Variants in SRPK2 observed in about 807,000 individuals in gnomAD.
SRPK2 encodes the protein SFRS protein kinase 2.
SRPK2 carries 21 observed loss-of-function variants against 90.8 expected under a neutral mutation model. That is an observed-to-expected ratio of 0.23 (90% confidence interval 0.16 to 0.33). The LOEUF (loss-of-function observed/expected upper bound fraction) is 0.33, where lower values mean the gene tolerates loss of function less well. Ranked by LOEUF, SRPK2 falls within the 10% of genes least tolerant of loss-of-function variation. SRPK2 has a pLI of 1.00. For missense variants in SRPK2, 620 were observed against 869.0 expected (o/e 0.71, Z 3.60); for synonymous variants, 288 against 311.1 (o/e 0.93, Z 0.78).
chr7:105,159,464 A>AAAAAAAAAAAAC (rs1807168874), intron 7 of SRPK2, among the ~76,000 whole-genome samples: 14 of 141,668 alleles, frequency 9.9e-5, no homozygotes, highest in African/African-American at 4.1e-4. Context: ...AAAAAAAAAA[A>AAAAAAAAAAAAC]AAAAAAAAAC....
At chr7:105,141,893 G>C (rs1803827972) in intron 11 of SRPK2, 115 bp downstream of exon 11, 2 of 1,155,088 alleles carry the variant, frequency 1.7e-6, no homozygotes, top group Non-Finnish European at 2.4e-6. Flanking sequence ...TAATAAAACT[G>C]ATCAGTACAC....
In SRPK2 at chr7:105,294,365, G is replaced by A. The variant is rs553288336; in HGVS notation, c.72-90580C>T. Reference sequence around the variant, plus strand: ...GGTATGAATCCAATAAAATTTTGTCGATCCAGTTCCCTAAACCGTCTCTTC... The same window carrying A: ...GGTATGAATCCAATAAAATTTTGTCAATCCAGTTCCCTAAACCGTCTCTTC... On this transcript the variant is annotated intron_variant, in intron 2 of 15. Coordinates refer to ENST00000393651, the MANE Select transcript of SRPK2 (RefSeq NM_182692.3). 2.0e-5 allele frequency among the ~76,000 whole-genome samples: 3 copies of A among 152,066 alleles called. No individual in the cohort carries two copies. The South Asian group carries it at 6.2e-4, about 32-fold the overall frequency.
At position 105,170,981 on chromosome 7, in the gene SRPK2, A is replaced by G. The variant is rs866123301; in HGVS notation, c.230-1716T>C. Among the ~76,000 whole-genome samples the G allele has an allele frequency of 3.5e-3, 481 of 137,564 alleles. 27 individuals are homozygous for G. Among genetic ancestry groups the G allele is most frequent in the Non-Finnish European group, 4.8e-3 (302 of 63,200 alleles). 90.2% of individuals were successfully genotyped at this position (137,564 alleles called of 152,430 possible). ...AAAGAAAGAAAGAGAAAGAAAGAGA[A>G]AGAAAGAAAGAAAGAGAAAGAAAGA... On this transcript the variant is annotated intron_variant, in intron 3 of 15. Coordinates refer to ENST00000393651, the MANE Select transcript of SRPK2 (RefSeq NM_182692.3).
intron 15 of SRPK2, chr7:105,125,935 A>C (rs1801133963): frequency 5.7e-6 from 5 of 883,786 alleles, no homozygotes; most frequent in Non-Finnish European, 6.6e-6. Flanking sequence ...AGTACACTGC[A>C]TGCAGACACT....
chr7:105,396,932 G>C lies in SRPK2; in HGVS notation n.153+2224C>G, dbSNP rs1033708271. Among the ~76,000 whole-genome samples, 4 of 152,118 alleles carry C rather than the reference G, an allele frequency of 2.6e-5. No homozygotes were observed. In the East Asian group the frequency reaches 5.8e-4, roughly 22 times the overall value. On this transcript the variant is annotated intron_variant and non_coding_transcript_variant, in intron 1 of 3. Transcript: ENST00000462282. Reference sequence around the variant, plus strand: ...TAGTCTCTGTTGACTTTGAAATTAAGTATTTCTTCAGAAATGCAGCACAAT... The same window carrying C: ...TAGTCTCTGTTGACTTTGAAATTAACTATTTCTTCAGAAATGCAGCACAAT...
chr7:105,125,844 C>A, intron 15 of SRPK2: 1 of 1,298,878 alleles, frequency 7.7e-7, no homozygotes, highest in South Asian at 1.2e-5. Context: ...AGGGACTTTC[C>A]CCAGCAGTTC....
chr7:105,396,783 AAAG>A (rs1462401347), intron 1 of SRPK2, among the ~76,000 whole-genome samples: 1 of 136,264 alleles, frequency 7.3e-6, no homozygotes, highest in Admixed American at 7.7e-5. Flanking sequence ...AAAGAGAGAG[AAAG>A]AAAGAAAGAG....
rs796624967 is a variant in SRPK2 at position 105,176,557 on chromosome 7, A to G, written c.230-7292T>C. Reference sequence around the variant, plus strand: ...CAGAGATGTATGTGGTTTTGCATATATGTGTGTGTGTGTGTGTGTGTGTAT... The same window carrying G: ...CAGAGATGTATGTGGTTTTGCATATGTGTGTGTGTGTGTGTGTGTGTGTAT... On this transcript the variant is annotated intron_variant, in intron 3 of 15. Transcript: ENST00000393651. 4.6e-3 allele frequency among the ~76,000 whole-genome samples: 688 copies of G among 148,128 alleles called. 1 individual carries two copies. Among genetic ancestry groups the G allele is most frequent in the South Asian group, 0.011 (52 of 4,694 alleles).
At chr7:105,269,888 A>G (rs973165116) in intron 2 of SRPK2, among the ~76,000 whole-genome samples, 6 of 152,248 alleles carry the variant, frequency 3.9e-5, no homozygotes, top group Admixed American at 3.3e-4. Context: ...GTGTGCTTTC[A>G]TAATAAAAAG....
chr7:105,222,844 C>T (rs1157229291), intron 2 of SRPK2, among the ~76,000 whole-genome samples: 3 of 151,700 alleles, frequency 2.0e-5, no homozygotes, highest in Non-Finnish European at 4.4e-5. Flanking sequence ...GTCTGTGGAA[C>T]GACAGTGGAA....
chr7:105,335,651 TAAAAAAAAA>T (rs60278367), intron 2 of SRPK2, among the ~76,000 whole-genome samples: 2 of 114,940 alleles, frequency 1.7e-5, no homozygotes, highest in African/African-American at 6.4e-5. Flanking sequence ...GACCATCTTT[TAAAAAAAAA>T]AAAAAAAAAG....
Position 105,351,745 on chromosome 7 carries a change from A to C in SRPK2, c.71+36903T>G, listed in dbSNP as rs546837524. Among the ~76,000 whole-genome samples the C allele has an allele frequency of 2.0e-5, 3 of 151,268 alleles. No homozygotes were observed. The East Asian group carries it at 5.9e-4, about 30-fold the overall frequency. ...CTTGAACCCGGGGGGCGGAGGCTGC[A>C]GTGAGCCAAGATTGTGCCATTGCAC... On this transcript the variant is annotated intron_variant, in intron 2 of 15. Transcript: ENST00000393651.
intron 2 of SRPK2, 51 bp downstream of exon 2, chr7:105,388,596 GC>G: frequency 4.7e-6 from 7 of 1,491,060 alleles, no homozygotes; most frequent in South Asian, 2.4e-5. Flanking sequence ...GGCCGCGGGC[GC>G]CCCCGACGGG....
intron 2 of SRPK2, among the ~76,000 whole-genome samples, chr7:105,363,026 G>A (rs185417898): frequency 0.011 from 1,630 of 152,064 alleles, 22 homozygotes; most frequent in African/African-American, 0.036. Context: ...ATCACACACC[G>A]GGGCCTGTCG....
intron 2 of SRPK2, among the ~76,000 whole-genome samples, chr7:105,285,501 T>C (rs989359557): frequency 6.6e-6 from 1 of 152,020 alleles, no homozygotes; most frequent in Non-Finnish European, 1.5e-5. Context: ...AAATAAATTA[T>C]ATGTGGTTTA....
chr7:105,248,720 T>C (rs531139930), intron 2 of SRPK2, among the ~76,000 whole-genome samples: 1 of 152,142 alleles, frequency 6.6e-6, no homozygotes, highest in Admixed American at 6.5e-5. Context: ...GGCAGGCAGA[T>C]CACGAGGTCA....
At chr7:105,292,206 C>T (rs1809127185) in intron 2 of SRPK2, among the ~76,000 whole-genome samples, 1 of 152,060 alleles carries the variant, frequency 6.6e-6, no homozygotes, top group African/African-American at 2.4e-5. Flanking sequence ...CTATTCATGT[C>T]TGGTTAAAAA....
chr7:105,233,569 C>A (rs914262974), intron 2 of SRPK2, among the ~76,000 whole-genome samples: 1 of 152,080 alleles, frequency 6.6e-6, no homozygotes, highest in East Asian at 1.9e-4. Context: ...AAATAAAATA[C>A]GGGCTGGGCG....
intron 2 of SRPK2, among the ~76,000 whole-genome samples, chr7:105,263,971 A>G (rs1585427358): frequency 3.3e-5 from 5 of 152,258 alleles, no homozygotes; most frequent in Admixed American, 2.0e-4. Context: ...ACAGTGGCAG[A>G]GCAGGAGTTG....
Sources: allele counts gnomAD v4.1 joint callset (sites outside exome capture counted in the v4.1 genomes callset), GRCh38; gene constraint gnomAD v4.1.1; transcripts MANE v1.5; gene names NCBI Gene and HGNC (gene_info 2026-07-23, HGNC 2026-07-21).